Variants in BRD8 observed in about 807,000 individuals in gnomAD.
The protein encoded by BRD8 is bromodomain-containing protein 8.
BRD8 carries 67 observed loss-of-function variants against 143.1 expected under a neutral mutation model. That is an observed-to-expected ratio of 0.47 (90% CI 0.38 to 0.57). The LOEUF is 0.57. Among genes scored for constraint, BRD8 ranks in the 20% least tolerant of loss-of-function variants. The pLI is 0.00. For missense variants in BRD8, 1,103 were observed against 1,503.0 expected (o/e 0.73, Z 4.40); for synonymous variants, 505 against 517.1 (o/e 0.98, Z 0.32).
chr5:138,168,417 C>A, intron 8 of BRD8: 1 of 1,287,728 alleles, frequency 7.8e-7, no homozygotes, highest in South Asian at 1.2e-5. Flanking sequence ...CAGGCACTCC[C>A]TTCCAAGTAC....
intron 21 of BRD8, among the ~76,000 whole-genome samples, chr5:138,152,014 C>T (rs1351287926): frequency 6.6e-6 from 1 of 152,176 alleles, no homozygotes; most frequent in Non-Finnish European, 1.5e-5. Context: ...GCCACCACGC[C>T]CGGCTAATTT....
chr5:138,166,822 G>A, intron 9 of BRD8, 95 bp from the exon 10 acceptor site: 1 of 756,422 alleles, frequency 1.3e-6, no homozygotes, highest in Non-Finnish European at 2.3e-6. Flanking sequence ...AAATTCTTAT[G>A]GTCTCAAAGG....
chr5:138,140,975 T>TC, intron 25 of BRD8, 93 bp from the exon 26 acceptor site: 2 of 1,317,360 alleles, frequency 1.5e-6, no homozygotes, highest in Non-Finnish European at 2.1e-6. Context: ...AACCAGTTCT[T>TC]AATGAAAACA....
In BRD8 at chr5:138,159,538, A is replaced by T. The variant is rs745611456; in HGVS notation, c.2577+17T>A. The T allele has an allele frequency of 6.2e-6, 10 of 1,613,586 alleles. No individual in the cohort carries two copies. The highest frequency in any genetic ancestry group is 1.3e-5 in the African/African-American group (1 of 74,888). ...TCTTTGTGGCAACACCACCCCTTGC[A>T]GCCATTCAATACTTACAAAGAGAGA... is the stretch of plus-strand genomic sequence containing the variant. On this transcript the variant is annotated intron_variant, in intron 20 of 26. Coordinates refer to ENST00000254900, the MANE Select transcript of BRD8 (RefSeq NM_139199.2).
chr5:138,152,799 A>C, intron 20 of BRD8, 39 bp from the exon 21 acceptor site: 2 of 1,584,816 alleles, frequency 1.3e-6, no homozygotes, highest in Non-Finnish European at 8.6e-7. Flanking sequence ...AATTCATTCA[A>C]ATAAATATTC....
At chr5:138,170,549 C>CA in intron 6 of BRD8, 140 bp from the exon 7 acceptor site, 1 of 928,156 alleles carries the variant, frequency 1.1e-6, no homozygotes, top group Non-Finnish European at 1.8e-6. Context: ...ACCAGCAAAA[C>CA]AGTGAATTGG....
chr5:138,155,645 C>G (rs1490448700), intron 20 of BRD8, among the ~76,000 whole-genome samples: 1 of 149,738 alleles, frequency 6.7e-6, no homozygotes, highest in East Asian at 2.0e-4. Context: ...ATCCTCCCAC[C>G]TCAGCCTCCA....
intron 7 of BRD8, among the ~76,000 whole-genome samples, chr5:138,169,966 A>T (rs1753739404): frequency 6.6e-6 from 1 of 152,234 alleles, no homozygotes; most frequent in African/African-American, 2.4e-5. Flanking sequence ...CCTGGGGGAA[A>T]AACAAAAAAC....
intron 2 of BRD8, chr5:138,177,025 T>C (rs779584441): frequency 6.6e-6 from 1 of 150,478 alleles, no homozygotes. Context: ...ATATGGAGGT[T>C]GCAGTGAGCC....
At chr5:138,171,960 C>A in intron 3 of BRD8, 105 bp downstream of exon 3, 1 of 849,404 alleles carries the variant, frequency 1.2e-6, no homozygotes, top group Non-Finnish European at 2.0e-6. Context: ...AACTATTTTC[C>A]CACATCATGG....
chr5:138,154,993 C>T (rs747227594), intron 20 of BRD8, among the ~76,000 whole-genome samples: 3 of 151,834 alleles, frequency 2.0e-5, no homozygotes, highest in African/African-American at 7.3e-5. Flanking sequence ...CCATGCCTGG[C>T]CAATTTTTTG....
intron 12 of BRD8, 105 bp from the exon 13 acceptor site, chr5:138,164,518 C>A: frequency 7.9e-7 from 1 of 1,259,244 alleles, no homozygotes; most frequent in South Asian, 1.3e-5. Flanking sequence ...ATTCTAAGTC[C>A]TACTCATGTA....
rs1441896117 is a variant in BRD8, at chr5:138,162,131, C to T, written c.2103G>A (p.Glu701=). ...TCTGTGCCTGAATAGCTTCCTGATC[C>T]TCACTACAGACAGAGCTGAAACAGA... ...PASSQFSVCS[E]DQEAIQAQKI... is the part of the protein sequence containing the mutation. Residue 701 remains glutamate (E), a synonymous_variant, in exon 16 of 27, where the codon GAG becomes GAA. Transcript: ENST00000254900. The T allele has an allele frequency of 1.2e-6, 2 of 1,613,232 alleles. No homozygotes were observed. The highest frequency in any genetic ancestry group is 1.7e-6 in the Non-Finnish European group (2 of 1,179,724).
In BRD8 at chr5:138,160,063, C is replaced by G; in HGVS notation, c.2532+6G>C. Reference sequence around the variant, plus strand: ...TGGCACACAGGTTCCTTCCTGATCGCCTCACCTTCTCTGAAGCATCCTGTT... The same window carrying G: ...TGGCACACAGGTTCCTTCCTGATCGGCTCACCTTCTCTGAAGCATCCTGTT... On this transcript the variant is annotated splice_donor_region_variant and intron_variant, in intron 19 of 26. Coordinates refer to ENST00000254900, the MANE Select transcript of BRD8 (RefSeq NM_139199.2). The G allele has an allele frequency of 6.2e-7, 1 of 1,610,408 alleles. No individual in the cohort carries two copies. Among genetic ancestry groups the G allele is most frequent in the Non-Finnish European group, 8.5e-7 (1 of 1,176,650 alleles).
At chr5:138,168,751 G>C in intron 8 of BRD8, 1 of 827,128 alleles carries the variant, frequency 1.2e-6, no homozygotes. Context: ...CTACTAATCT[G>C]TATGGGTTAG....
At chr5:138,178,519 T>A in intron 1 of BRD8, 77 bp downstream of exon 1, 2 of 1,351,106 alleles carry the variant, frequency 1.5e-6, no homozygotes, top group South Asian at 2.3e-5. Flanking sequence ...TCCCACTCCC[T>A]AAGCGTGTAA....
chr5:138,145,306 G>A (rs1030664670), intron 24 of BRD8, 61 bp from the exon 25 acceptor site: 4 of 1,483,786 alleles, frequency 2.7e-6, no homozygotes, highest in Non-Finnish European at 3.7e-6. Context: ...TGAAGGAGAA[G>A]AGTAGCTCAG....
At chr5:138,168,368 T>C in intron 8 of BRD8, 1 of 854,644 alleles carries the variant, frequency 1.2e-6, no homozygotes, top group South Asian at 1.5e-5. Flanking sequence ...GATCTTTTCC[T>C]CTTTTGAACT....
intron 23 of BRD8, 100 bp downstream of exon 23, chr5:138,149,540 C>T: frequency 9.1e-7 from 1 of 1,102,226 alleles, no homozygotes; most frequent in Non-Finnish European, 1.2e-6. Flanking sequence ...TTTTCCAACT[C>T]TAATTTTCTT....
Sources: allele counts gnomAD v4.1 joint callset (sites outside exome capture counted in the v4.1 genomes callset), GRCh38; gene constraint gnomAD v4.1.1; transcripts MANE v1.5; gene names NCBI Gene and HGNC (gene_info 2026-07-23, HGNC 2026-07-21).